Variants in PIBF1 observed in about 807,000 individuals in gnomAD.
The protein encoded by PIBF1 is progesterone-induced-blocking factor 1.
PIBF1 carries 90 observed loss-of-function variants against 112.5 expected under a neutral mutation model. The observed-to-expected ratio is 0.80, with a 90% confidence interval of 0.67 to 0.95. The LOEUF is 0.95. PIBF1 is among the 40% of genes least tolerant of loss of function. The pLI is 0.00. For missense variants in PIBF1, 915 were observed against 852.3 expected (o/e 1.07, Z -0.92); for synonymous variants, 301 against 288.6 (o/e 1.04, Z -0.44).
Position 72,821,942 on chromosome 13 carries a change from C to G in PIBF1, c.766C>G (p.Gln256Glu). ...AGCAGACACAAAACAGTTAATTCAG[C>G]AAGGTGACTACCGTCAAGAGAACTA... ...ELADTKQLIQ[Q>E]GDYRQENYDK... The change falls in exon 6 of 18, where the codon CAA becomes GAA. Residue 256 changes from glutamine (Q) to glutamate (E), a missense_variant. By Grantham distance (29) the Gln-to-Glu change is conservative. Transcript: ENST00000326291. 2 of 1,612,532 alleles carry G rather than the reference C, an allele frequency of 1.2e-6. No individual in the cohort carries two copies. Among genetic ancestry groups the G allele is most frequent in the Non-Finnish European group, 1.7e-6 (2 of 1,179,132 alleles).
At chr13:72,972,422 G>C (rs1017732159) in intron 15 of PIBF1, among the ~76,000 whole-genome samples, 2 of 152,240 alleles carry the variant, frequency 1.3e-5, no homozygotes, top group East Asian at 3.9e-4. Flanking sequence ...CCAGCACTTC[G>C]GGAGGCCGAG....
chr13:72,815,507 A>C (rs1217788632), intron 5 of PIBF1, among the ~76,000 whole-genome samples: 1 of 152,222 alleles, frequency 6.6e-6, no homozygotes, highest in Non-Finnish European at 1.5e-5. Context: ...TAAGTAAGAC[A>C]AGCTCATTAA....
At chr13:72,928,006 C>CATAT (rs34525341) in intron 13 of PIBF1, among the ~76,000 whole-genome samples, 41 of 101,782 alleles carry the variant, frequency 4.0e-4, no homozygotes, top group Admixed American at 1.3e-3. Flanking sequence ...CATATATATA[C>CATAT]ATATATATAC....
intron 10 of PIBF1, among the ~76,000 whole-genome samples, chr13:72,867,632 T>C (rs1398412378): frequency 6.6e-6 from 1 of 152,194 alleles, no homozygotes; most frequent in African/African-American, 2.4e-5. Context: ...CTCAACTTAC[T>C]GTATATTCTA....
At chr13:72,978,542 CT>C (rs1196566406) in intron 16 of PIBF1, among the ~76,000 whole-genome samples, 6 of 152,122 alleles carry the variant, frequency 3.9e-5, no homozygotes, top group Non-Finnish European at 5.9e-5. Flanking sequence ...ATTCCTCTTT[CT>C]TTTTTTCATA....
intron 10 of PIBF1, among the ~76,000 whole-genome samples, chr13:72,890,893 G>A (rs927426836): frequency 2.6e-5 from 4 of 152,042 alleles, no homozygotes; most frequent in Non-Finnish European, 5.9e-5. Flanking sequence ...ACTTACACAG[G>A]CTTAATAATT....
At chr13:72,881,101 T>G (rs1368718002) in intron 10 of PIBF1, 2 of 152,068 alleles carry the variant, frequency 1.3e-5, no homozygotes, top group African/African-American at 4.8e-5. Context: ...GGATTTTTTT[T>G]TTTTTTTTGA....
At chr13:72,902,456 A>G (rs890073617) in intron 11 of PIBF1, among the ~76,000 whole-genome samples, 1 of 152,002 alleles carries the variant, frequency 6.6e-6, no homozygotes, top group Admixed American at 6.6e-5. Flanking sequence ...ATCTGAGCCT[A>G]TAGTCTCTGC....
At chr13:72,787,395 C>T (rs2034657738) in intron 2 of PIBF1, among the ~76,000 whole-genome samples, 1 of 152,258 alleles carries the variant, frequency 6.6e-6, no homozygotes, top group African/African-American at 2.4e-5. Flanking sequence ...AATTTTGTCC[C>T]TCTGGTCGAT....
At chr13:72,822,181 C>A (rs1406314843) in intron 6 of PIBF1, among the ~76,000 whole-genome samples, 199 bp downstream of exon 6, 1 of 152,042 alleles carries the variant, frequency 6.6e-6, no homozygotes, top group Non-Finnish European at 1.5e-5. Context: ...GATGTCACTG[C>A]TGTCTTAAAA....
chr13:72,787,579 A>G (rs1202722361), intron 2 of PIBF1, among the ~76,000 whole-genome samples: 1 of 152,250 alleles, frequency 6.6e-6, no homozygotes, highest in African/African-American at 2.4e-5. Context: ...TTTGATTCAA[A>G]TCTATCTGGT....
rs754336324 is a variant in PIBF1, at chr13:72,931,183, A to G, written c.1749A>G (p.Arg583=). ...RLKQSVHLAR[R]VLQLEKQNSL... ...TGCCTAGTGTTCACTTGGCAAGAAG[A>G]GTGCTTCAATTAGAAAAACAAAACT... Residue 583 remains arginine, a synonymous_variant, in exon 14 of 18, where the codon AGA becomes AGG. Coordinates refer to ENST00000326291, the MANE Select transcript of PIBF1 (RefSeq NM_006346.4). 7 of 1,611,008 alleles carry G rather than the reference A, an allele frequency of 4.3e-6. No homozygotes were observed. The highest frequency in any genetic ancestry group is 1.3e-5 in the African/African-American group (1 of 74,850).
At chr13:72,873,670 G>A (rs1325793123) in intron 10 of PIBF1, among the ~76,000 whole-genome samples, 1 of 152,046 alleles carries the variant, frequency 6.6e-6, no homozygotes, top group South Asian at 2.1e-4. Flanking sequence ...TGGGATTACA[G>A]GCATGAGCCA....
intron 10 of PIBF1, among the ~76,000 whole-genome samples, chr13:72,885,771 A>G (rs970754337): frequency 6.6e-6 from 1 of 152,162 alleles, no homozygotes. Flanking sequence ...AAGTTCCACA[A>G]GTGATTCTGA....
intron 10 of PIBF1, among the ~76,000 whole-genome samples, chr13:72,870,486 G>A (rs920566910): frequency 3.3e-5 from 5 of 152,142 alleles, no homozygotes; most frequent in Admixed American, 1.3e-4. Flanking sequence ...AAATGCCAAA[G>A]TATCTCTCTA....
chr13:73,011,902 C>T (rs2044215117), intron 17 of PIBF1, among the ~76,000 whole-genome samples: 1 of 152,062 alleles, frequency 6.6e-6, no homozygotes, highest in African/African-American at 2.4e-5. Flanking sequence ...AGACAGAGAA[C>T]CTAAAACAAC....
intron 17 of PIBF1, among the ~76,000 whole-genome samples, chr13:73,006,003 T>C (rs2044022559): frequency 6.9e-6 from 1 of 145,344 alleles, no homozygotes; most frequent in Non-Finnish European, 1.5e-5. Flanking sequence ...CACTGCAACC[T>C]CCGTCTCCTG....
chr13:72,898,736 T>C (rs965949925), intron 11 of PIBF1, among the ~76,000 whole-genome samples: 4 of 149,238 alleles, frequency 2.7e-5, no homozygotes, highest in Non-Finnish European at 4.4e-5. Context: ...TAATCCCAGC[T>C]ACTCAGGAGG....
intron 17 of PIBF1, among the ~76,000 whole-genome samples, chr13:73,014,365 T>C (rs1012192029): frequency 1.3e-5 from 2 of 152,120 alleles, no homozygotes; most frequent in African/African-American, 4.8e-5. Context: ...ATCAAAGATA[T>C]TAGAGGAAAA....
Sources: gnomAD v4.1 joint callset for allele counts (sites outside exome capture counted in the v4.1 genomes callset) on GRCh38, gnomAD v4.1.1 for gene constraint, MANE v1.5 for transcripts, NCBI Gene and HGNC (gene_info 2026-07-23, HGNC 2026-07-21) for gene names.